KATNAL2: variants seen among roughly 807,000 people sequenced by gnomAD.
The protein encoded by KATNAL2 is katanin catalytic subunit A1 like 2.
Under a neutral mutation model 76.3 loss-of-function variants are expected in KATNAL2, and 52 were observed. That is an observed-to-expected ratio of 0.68 (90% CI 0.55 to 0.86). KATNAL2 has a LOEUF of 0.86. Ranked by LOEUF, KATNAL2 falls within the 40% of genes least tolerant of loss-of-function variation. The pLI is 0.00. For missense variants in KATNAL2, 660 were observed against 668.9 expected, an observed-to-expected ratio of 0.99 and a Z score of 0.15; for synonymous variants, 243 against 244.2, an observed-to-expected ratio of 1.00 and a Z score of 0.05.
intron 1 of KATNAL2, among the ~76,000 whole-genome samples, chr18:46,919,542 G>C (rs1009200420): frequency 1.3e-4 from 20 of 151,382 alleles, no homozygotes; most frequent in African/African-American, 4.9e-4. Flanking sequence ...CCAGCTACTC[G>C]TGAGGCTGAG....
intron 3 of KATNAL2, among the ~76,000 whole-genome samples, 177 bp downstream of exon 3, chr18:46,947,100 A>T (rs960862216): frequency 1.3e-5 from 2 of 152,184 alleles, no homozygotes; most frequent in African/African-American, 4.8e-5. Context: ...TGCAGCCGTG[A>T]TGGAGGGAAA....
rs2061569699 is a variant in KATNAL2 at position 47,059,536 on chromosome 18, C to T, written c.451-20C>T. The T allele has an allele frequency of 6.4e-7, 1 of 1,552,960 alleles. No homozygotes were observed. Among genetic ancestry groups the T allele is most frequent in the Non-Finnish European group, 8.9e-7 (1 of 1,124,554 alleles). On this transcript the variant is annotated intron_variant, in intron 7 of 17. Coordinates refer to ENST00000683218, the MANE Select transcript of KATNAL2 (RefSeq NM_001387690.1). ...CCATGGCTGCTCACAGCCGATGTGT[C>T]CTTGTCTCTCTTTCTTCAGGAGGTA...
rs373665025 is a variant in KATNAL2 at position 47,063,050 on chromosome 18, G to A, written c.628G>A (p.Asp210Asn). The A allele has an allele frequency of 2.4e-5, 38 of 1,613,956 alleles. No individual in the cohort carries two copies. Among genetic ancestry groups the A allele is most frequent in the East Asian group, 8.9e-5 (4 of 44,878 alleles). ...CAGTGAACTTGCCTTGAACACCTTC[G>A]ACCATAATCCAGACCCCTCAGTAAG... The part of the protein sequence containing the change: ...ATSELALNTF[D>N]HNPDPSERLL... The change falls in exon 9 of 18, where the codon GAC becomes AAC. Residue 210 changes from aspartate to asparagine, a missense_variant. Physicochemically the swap from Asp to Asn is conservative, Grantham distance 23. Transcript: ENST00000683218.
chr18:46,932,189 G>T (rs886489620), intron 1 of KATNAL2, among the ~76,000 whole-genome samples: 1 of 152,080 alleles, frequency 6.6e-6, no homozygotes. Flanking sequence ...GGGATTACAG[G>T]CGTGAGCCAC....
At chr18:47,043,778 T>A (rs2061054370) in intron 3 of KATNAL2, among the ~76,000 whole-genome samples, 1 of 151,418 alleles carries the variant, frequency 6.6e-6, no homozygotes, top group African/African-American at 2.4e-5. Context: ...ACAATACGTA[T>A]GTTGAAAAGT....
At chr18:46,943,991 C>T (rs2059316838) in intron 1 of KATNAL2, among the ~76,000 whole-genome samples, 1 of 152,154 alleles carries the variant, frequency 6.6e-6, no homozygotes, top group East Asian at 1.9e-4. Context: ...TCTGTGATGC[C>T]TATTGTCTTA....
intron 3 of KATNAL2, among the ~76,000 whole-genome samples, chr18:46,961,687 T>A (rs2059963498): frequency 6.6e-6 from 1 of 152,206 alleles, no homozygotes; most frequent in Admixed American, 6.5e-5. Flanking sequence ...GACCACCAAT[T>A]TTTGAAAATC....
At chr18:47,035,150 T>C (rs372395366) in intron 3 of KATNAL2, 74 of 1,611,866 alleles carry the variant, frequency 4.6e-5, no homozygotes, top group Non-Finnish European at 6.2e-5. Flanking sequence ...TCTGCCGTCA[T>C]GGGCAAGGCG....
intron 1 of KATNAL2, among the ~76,000 whole-genome samples, chr18:46,930,692 G>T (rs1315517430): frequency 6.6e-6 from 1 of 151,870 alleles, no homozygotes; most frequent in South Asian, 2.1e-4. Context: ...GCAGGCACCT[G>T]TAATTCCAGC....
chr18:46,948,888 T>TTGTG (rs71264810), intron 3 of KATNAL2, among the ~76,000 whole-genome samples: 1,936 of 145,842 alleles, frequency 0.013, 17 homozygotes, highest in Middle Eastern at 0.055. Context: ...AGTATCTGCA[T>TTGTG]TGTGTGTGTG....
intron 3 of KATNAL2, among the ~76,000 whole-genome samples, chr18:46,948,286 A>G (rs1365770644): frequency 1.4e-5 from 2 of 143,114 alleles, no homozygotes; most frequent in African/African-American, 5.2e-5. Flanking sequence ...AACTTTTTGT[A>G]TTTTTAGTAG....
intron 1 of KATNAL2, among the ~76,000 whole-genome samples, chr18:46,923,170 C>A: frequency 6.7e-6 from 1 of 149,028 alleles, no homozygotes; most frequent in Non-Finnish European, 1.5e-5. Context: ...CCCATTAACT[C>A]GTCATTTAGC....
intron 3 of KATNAL2, among the ~76,000 whole-genome samples, chr18:46,951,284 A>G (rs1303005585): frequency 1.3e-5 from 2 of 152,176 alleles, no homozygotes; most frequent in South Asian, 2.1e-4. Flanking sequence ...TCAATCATAT[A>G]TTAACCAATG....
At chr18:47,098,100 A>G (rs1408054912) in intron 15 of KATNAL2, 1 of 161,562 alleles carries the variant, frequency 6.2e-6, no homozygotes, top group Non-Finnish European at 1.4e-5. Flanking sequence ...AAGCAGATAT[A>G]GAAGAATACT....
At position 46,925,049 on chromosome 18, in the gene KATNAL2, C is replaced by T. The variant is rs558960384; in HGVS notation, c.-510+7123C>T. Among the ~76,000 whole-genome samples the T allele has an allele frequency of 1.4e-4, 21 of 152,282 alleles. No individual in the cohort carries two copies. The South Asian group carries it at 4.4e-3, about 32-fold the overall frequency. On this transcript the variant is annotated intron_variant, in intron 1 of 17. Coordinates refer to ENST00000683218, the MANE Select transcript of KATNAL2 (RefSeq NM_001387690.1). The stretch of plus-strand genomic sequence containing the variant: ...GCAAACAGGGACAATTTGACTTCCT[C>T]TTTTCCCAATTGAATACCCTTTTTT...
At chr18:46,922,922 T>G (rs1264458607) in intron 1 of KATNAL2, among the ~76,000 whole-genome samples, 3 of 148,102 alleles carry the variant, frequency 2.0e-5, no homozygotes, top group Non-Finnish European at 4.5e-5. Context: ...TAATATATAA[T>G]ATTATATATG....
chr18:47,092,634 T>C (rs750165348), intron 15 of KATNAL2, among the ~76,000 whole-genome samples: 2 of 152,218 alleles, frequency 1.3e-5, no homozygotes, highest in African/African-American at 2.4e-5. Flanking sequence ...AGGCATTCTA[T>C]GAGTTTCATC....
chr18:46,940,472 G>A (rs1443509679), intron 1 of KATNAL2, among the ~76,000 whole-genome samples: 1 of 152,214 alleles, frequency 6.6e-6, no homozygotes, highest in Non-Finnish European at 1.5e-5. Flanking sequence ...TTTAAAGAAT[G>A]ACAGGATACA....
intron 1 of KATNAL2, among the ~76,000 whole-genome samples, chr18:46,945,390 T>C (rs756527404): frequency 6.6e-6 from 1 of 152,260 alleles, no homozygotes; most frequent in African/African-American, 2.4e-5. Context: ...ATTTGAGCTG[T>C]CTTAGCAGGC....
Sources: gnomAD v4.1 joint callset for allele counts (sites outside exome capture counted in the v4.1 genomes callset) on GRCh38, gnomAD v4.1.1 for gene constraint, MANE v1.5 for transcripts, NCBI Gene and HGNC (gene_info 2026-07-23, HGNC 2026-07-21) for gene names.